ACYP2: variants seen among roughly 807,000 people sequenced by gnomAD.
ACYP2 encodes the protein acylphosphatase 2, also known as acylphosphatase-2.
A neutral mutation model predicts 11.2 loss-of-function variants in ACYP2; 12 were observed. The ratio of observed to expected loss-of-function variants is 1.08; its 90% CI spans 0.69 to 1.74. The LOEUF (loss-of-function observed/expected upper bound fraction) is 1.74. Among genes scored for constraint, ACYP2 ranks in the 40% most tolerant of loss-of-function variants. The probability of loss-of-function intolerance (pLI) is 0.00; values close to 1 mark genes in which losing one functional copy is unlikely to be tolerated. For missense variants in ACYP2, 134 were observed against 101.9 expected, an observed-to-expected ratio of 1.31 and a Z score of -1.35; for synonymous variants, 43 against 32.2, an observed-to-expected ratio of 1.33 and a Z score of -1.13.
intron 4 of ACYP2, among the ~76,000 whole-genome samples, chr2:54,064,301 C>G (rs1676625117): frequency 6.6e-6 from 1 of 152,154 alleles, no homozygotes; most frequent in African/African-American, 2.4e-5. Flanking sequence ...CTAGTCTCAG[C>G]CAGTCAACAC....
chr2:54,197,914 ATTAT>A (rs766879959), intron 6 of ACYP2, among the ~76,000 whole-genome samples: 4,935 of 114,322 alleles, frequency 0.043, 185 homozygotes, highest in South Asian at 0.13. Flanking sequence ...ATTTTATTTT[ATTAT>A]TTTATTTTAT....
At chr2:54,203,802 C>CT (rs1684954736) in intron 6 of ACYP2, among the ~76,000 whole-genome samples, 2 of 138,938 alleles carry the variant, frequency 1.4e-5, no homozygotes, top group Non-Finnish European at 1.6e-5. Context: ...TCTAATACCC[C>CT]CTTTTTTTTT....
intron 6 of ACYP2, among the ~76,000 whole-genome samples, chr2:54,212,766 C>T (rs562330654): frequency 6.6e-6 from 1 of 152,098 alleles, no homozygotes; most frequent in African/African-American, 2.4e-5. Flanking sequence ...TGATAAATTA[C>T]GTTTATTTCA....
chr2:53,998,244 C>G (rs1476054437), intron 2 of ACYP2, among the ~76,000 whole-genome samples: 2 of 152,006 alleles, frequency 1.3e-5, no homozygotes, highest in African/African-American at 4.8e-5. Context: ...GCCCATGTCC[C>G]CAGGAATTGA....
At chr2:53,991,432 A>G (rs1169414321) in intron 2 of ACYP2, among the ~76,000 whole-genome samples, 3 of 149,248 alleles carry the variant, frequency 2.0e-5, no homozygotes, top group African/African-American at 2.5e-5. Flanking sequence ...TTGAGATGGA[A>G]TTTCACTCTT....
At chr2:53,979,139 G>T (rs1558448863) in intron 2 of ACYP2, among the ~76,000 whole-genome samples, 1 of 151,974 alleles carries the variant, frequency 6.6e-6, no homozygotes, top group African/African-American at 2.4e-5. Context: ...TATTATAGAA[G>T]ATGAAAGCTC....
At chr2:54,137,232 C>T (rs1428191296) in intron 5 of ACYP2, among the ~76,000 whole-genome samples, 1 of 151,774 alleles carries the variant, frequency 6.6e-6, no homozygotes, top group Non-Finnish European at 1.5e-5. Context: ...CTCTGCAAAC[C>T]AGCATGTTTA....
At chr2:54,193,887 T>A (rs1684342021) in intron 6 of ACYP2, among the ~76,000 whole-genome samples, 1 of 152,232 alleles carries the variant, frequency 6.6e-6, no homozygotes, top group Non-Finnish European at 1.5e-5. Context: ...CTCTCATTTA[T>A]GATTCATTTA....
chr2:54,112,554 T>C (rs1679515082), intron 4 of ACYP2, among the ~76,000 whole-genome samples: 1 of 152,178 alleles, frequency 6.6e-6, no homozygotes, highest in Non-Finnish European at 1.5e-5. Flanking sequence ...TTCTTTTTTA[T>C]GGTAGTGAAA....
At chr2:54,065,125 A>G (rs1382434086) in intron 4 of ACYP2, among the ~76,000 whole-genome samples, 1 of 151,944 alleles carries the variant, frequency 6.6e-6, no homozygotes, top group Non-Finnish European at 1.5e-5. Flanking sequence ...ATAAATAAAT[A>G]TAGAGGGACC....
intron 2 of ACYP2, among the ~76,000 whole-genome samples, chr2:54,039,306 G>A (rs568410263): frequency 5.0e-5 from 7 of 140,992 alleles, no homozygotes; most frequent in South Asian, 4.4e-4. Flanking sequence ...TTTTTTTGGC[G>A]GGGGGGGACA....
At chr2:54,283,743 G>C (rs926022449) in intron 6 of ACYP2, among the ~76,000 whole-genome samples, 3 of 152,214 alleles carry the variant, frequency 2.0e-5, no homozygotes, top group Non-Finnish European at 4.4e-5. Context: ...ATACAACGGA[G>C]TCTACCCATA....
At chr2:54,164,985 T>C (rs1682887849) in intron 6 of ACYP2, among the ~76,000 whole-genome samples, 1 of 152,180 alleles carries the variant, frequency 6.6e-6, no homozygotes, top group Admixed American at 6.5e-5. Flanking sequence ...CCTGTGTTAG[T>C]TTGCTGAGAA....
At chr2:54,276,622 C>CACACACACACACACACAA (rs1688591049) in intron 6 of ACYP2, among the ~76,000 whole-genome samples, 6 of 58,050 alleles carry the variant, frequency 1.0e-4, no homozygotes, top group Middle Eastern at 0.012. Context: ...TGTTCTTTCA[C>CACACACACACACACACAA]ACACACACAC....
intron 2 of ACYP2, among the ~76,000 whole-genome samples, chr2:54,040,649 A>G (rs540774351): frequency 6.6e-6 from 1 of 152,204 alleles, no homozygotes; most frequent in Admixed American, 6.5e-5. Context: ...TAAAAACTAT[A>G]TGGAAAGTGG....
intron 6 of ACYP2, among the ~76,000 whole-genome samples, chr2:54,156,009 T>C (rs1326915661): frequency 6.6e-6 from 1 of 152,166 alleles, no homozygotes; most frequent in Non-Finnish European, 1.5e-5. Flanking sequence ...ATTTTTCATT[T>C]ATTAAACAAT....
At chr2:53,991,039 G>A (rs1181416366) in intron 2 of ACYP2, among the ~76,000 whole-genome samples, 5 of 152,244 alleles carry the variant, frequency 3.3e-5, no homozygotes, top group South Asian at 4.1e-4. Context: ...CTTGTGATCC[G>A]CCCGCCTGGG....
chr2:54,202,838 C>T (rs1483491996), intron 6 of ACYP2, among the ~76,000 whole-genome samples: 1 of 146,412 alleles, frequency 6.8e-6, no homozygotes, highest in Non-Finnish European at 1.5e-5. Context: ...GTGAACACCA[C>T]TGTGCCTGGC....
chr2:54,257,497 G>A (rs900749512), intron 6 of ACYP2, among the ~76,000 whole-genome samples: 4 of 152,126 alleles, frequency 2.6e-5, no homozygotes, highest in Non-Finnish European at 4.4e-5. Flanking sequence ...GAGCCTGGAA[G>A]GAGGAAACTG....
Sources: allele counts gnomAD v4.1 joint callset (sites outside exome capture counted in the v4.1 genomes callset), GRCh38; gene constraint gnomAD v4.1.1; transcripts MANE v1.5; gene names NCBI Gene and HGNC (gene_info 2026-07-23, HGNC 2026-07-21).